Variants in RASA1 observed in about 807,000 individuals in gnomAD.
RASA1 encodes ras GTPase-activating protein 1.
Under a neutral mutation model 132.2 loss-of-function variants are expected in RASA1, and 25 were observed. The observed-to-expected ratio is 0.19, with a 90% confidence interval of 0.14 to 0.26. RASA1 has a LOEUF of 0.26. RASA1 is among the 10% of genes least tolerant of loss of function. The pLI is 1.00. For synonymous variants in RASA1, 477 were observed against 449.9 expected (o/e 1.06, Z -0.76); for missense variants, 964 against 1,299.2 (o/e 0.74, Z 3.97).
intron 9 of RASA1, among the ~76,000 whole-genome samples, chr5:87,354,900 A>G (rs1478018572): frequency 1.3e-5 from 2 of 152,206 alleles, no homozygotes; most frequent in Admixed American, 1.3e-4. Context: ...AGATTAAACC[A>G]GGGATAACAT....
chr5:87,269,339 AT>A, intron 1 of RASA1: 6 of 1,525,020 alleles, frequency 3.9e-6, no homozygotes, highest in Non-Finnish European at 5.3e-6. Flanking sequence ...GTCATAGTGT[AT>A]ATTAACTTGT....
At chr5:87,293,920 ATCT>A (rs1260182356) in intron 1 of RASA1, among the ~76,000 whole-genome samples, 2 of 152,058 alleles carry the variant, frequency 1.3e-5, no homozygotes, top group Non-Finnish European at 2.9e-5. Context: ...ATTAGTAAAG[ATCT>A]TCTCTTTCAG....
At chr5:87,307,303 T>A (rs1755662724) in intron 1 of RASA1, among the ~76,000 whole-genome samples, 1 of 152,226 alleles carries the variant, frequency 6.6e-6, no homozygotes, top group South Asian at 2.1e-4. Flanking sequence ...TATGCTCTAG[T>A]AAGTGTATTT....
At chr5:87,302,602 TGTATA>T (rs753145133) in intron 1 of RASA1, among the ~76,000 whole-genome samples, 1 of 149,728 alleles carries the variant, frequency 6.7e-6, no homozygotes, top group Non-Finnish European at 1.5e-5. Flanking sequence ...TATACTATAC[TGTATA>T]GTATAGTATA....
chr5:87,331,589 C>A, intron 2 of RASA1, 89 bp downstream of exon 2: 1 of 1,393,688 alleles, frequency 7.2e-7, no homozygotes, highest in Admixed American at 1.7e-5. Context: ...AGGTGAATGA[C>A]TCAGTAACAA....
chr5:87,312,602 G>C (rs1017786426), intron 1 of RASA1, among the ~76,000 whole-genome samples: 4 of 152,086 alleles, frequency 2.6e-5, no homozygotes, highest in African/African-American at 4.8e-5. Flanking sequence ...TCCTCTTTCT[G>C]GGCTAGAGGT....
At chr5:87,340,695 T>C (rs1377160509) in intron 5 of RASA1, among the ~76,000 whole-genome samples, 2 of 152,130 alleles carry the variant, frequency 1.3e-5, no homozygotes, top group African/African-American at 4.8e-5. Context: ...TCAGAATGTC[T>C]TACTGAAGAG....
rs753678051 is a variant in RASA1 at position 87,268,702 on chromosome 5, C to T, written c.251C>T (p.Ala84Val). The T allele has an allele frequency of 2.5e-6, 4 of 1,611,772 alleles. No individual in the cohort carries two copies. Among genetic ancestry groups the T allele is most frequent in the Non-Finnish European group, 3.4e-6 (4 of 1,179,110 alleles). ...AGSVAGALGG[A>V]GLTGGGTAAG... ...TCTGTGGCAGGGGCACTGGGGGGAG[C>T]TGGACTGACAGGGGGAGGTACTGCT... The change falls in exon 1 of 25, where the codon GCT (alanine) becomes GTT (valine). Residue 84 changes from alanine to valine, a missense_variant. Transcript: ENST00000274376.
chr5:87,347,778 A>C (rs1480148047), intron 7 of RASA1, among the ~76,000 whole-genome samples: 3 of 152,036 alleles, frequency 2.0e-5, no homozygotes, highest in Non-Finnish European at 4.4e-5. Context: ...TTAAACTAAA[A>C]TGACATTCTG....
At position 87,337,921 on chromosome 5, in the gene RASA1, A is replaced by T. The variant is rs191885936; in HGVS notation, c.900-53A>T. On this transcript the variant is annotated intron_variant, in intron 4 of 24. Transcript: ENST00000274376. ...TATTTTGTGGTATATGACTATTCTAATCTCTGTATTTAAAATTTTTAAATT... is the reference window on the plus strand; with the variant it reads ...TATTTTGTGGTATATGACTATTCTATTCTCTGTATTTAAAATTTTTAAATT... 4.0e-5 allele frequency: 60 copies of T among 1,511,568 alleles called. 1 individual carries two copies. In the East Asian group the frequency reaches 7.0e-4, roughly 18 times the overall value. The allele number at this position is 1,511,568 out of a possible 1,614,324, so 93.6% of individuals were successfully genotyped here. A position where few individuals can be genotyped will look rare whatever the true frequency, so the allele number is the denominator to read the frequency against.
chr5:87,317,448 A>C (rs1375529255), intron 1 of RASA1, among the ~76,000 whole-genome samples: 1 of 151,976 alleles, frequency 6.6e-6, no homozygotes, highest in Non-Finnish European at 1.5e-5. Context: ...AGATATCTGA[A>C]AGCTTTTTCC....
intron 1 of RASA1, among the ~76,000 whole-genome samples, chr5:87,305,978 C>T (rs926324190): frequency 6.6e-6 from 1 of 152,048 alleles, no homozygotes; most frequent in East Asian, 1.9e-4. Flanking sequence ...CAGATGCTGG[C>T]GAGGTTGTGG....
chr5:87,291,600 G>C (rs1402734244), intron 1 of RASA1, among the ~76,000 whole-genome samples: 2 of 152,142 alleles, frequency 1.3e-5, no homozygotes, highest in African/African-American at 2.4e-5. Context: ...GGTGAGAGGG[G>C]TTTGGGTCAT....
intron 21 of RASA1, among the ~76,000 whole-genome samples, chr5:87,384,820 A>G (rs895679990): frequency 6.6e-6 from 1 of 152,082 alleles, no homozygotes; most frequent in Non-Finnish European, 1.5e-5. Flanking sequence ...TTCTCCTCAA[A>G]ATAAAGCAGA....
intron 1 of RASA1, among the ~76,000 whole-genome samples, chr5:87,272,102 T>A (rs1210409847): frequency 1.3e-5 from 2 of 151,210 alleles, no homozygotes; most frequent in African/African-American, 2.4e-5. Flanking sequence ...TGAGCCGAGA[T>A]CTGCCGTTGC....
chr5:87,306,336 A>G (rs897899184), intron 1 of RASA1, among the ~76,000 whole-genome samples: 2 of 152,202 alleles, frequency 1.3e-5, no homozygotes, highest in Non-Finnish European at 2.9e-5. Context: ...ATGAAGGTGG[A>G]AGCCATTATC....
At chr5:87,380,403 A>G (rs1761626523) in intron 19 of RASA1, 106 bp from the exon 20 acceptor site, 6 of 1,031,018 alleles carry the variant, frequency 5.8e-6, no homozygotes, top group Non-Finnish European at 7.7e-6. Context: ...GTAAAAGGCC[A>G]GTTTTATTGA....
At chr5:87,302,729 T>C (rs183576709) in intron 1 of RASA1, among the ~76,000 whole-genome samples, 3 of 151,114 alleles carry the variant, frequency 2.0e-5, no homozygotes, top group Admixed American at 2.0e-4. Flanking sequence ...ATCCTAGATA[T>C]CTTTTTGGGC....
chr5:87,387,695 G>A lies in RASA1; in HGVS notation c.2925+792G>A, dbSNP rs533314200. ...GTTAAAAAGACCACCACAATTTGTGGCAAACAAATCAGGAATGCCGTTGAG... is the reference window on the plus strand; with the variant it reads ...GTTAAAAAGACCACCACAATTTGTGACAAACAAATCAGGAATGCCGTTGAG... On this transcript the variant is annotated intron_variant, in intron 23 of 24. Transcript: ENST00000274376. Among the ~76,000 whole-genome samples, 3 of 152,180 alleles carry A rather than the reference G, an allele frequency of 2.0e-5. No individual in the cohort carries two copies. In the East Asian group the frequency reaches 5.8e-4, roughly 29 times the overall value.
Sources: gnomAD v4.1 joint callset for allele counts (sites outside exome capture counted in the v4.1 genomes callset) on GRCh38, gnomAD v4.1.1 for gene constraint, MANE v1.5 for transcripts, NCBI Gene and HGNC (gene_info 2026-07-23, HGNC 2026-07-21) for gene names.